The following DPF3 variants were observed in gnomAD, a reference collection of about 807,000 sequenced individuals.
DPF3 encodes the protein zinc finger protein DPF3.
In DPF3, 18 loss-of-function variants were observed where a neutral mutation model predicts 56.8. The ratio of observed to expected loss-of-function variants is 0.32; its 90% CI spans 0.22 to 0.47. DPF3 has a LOEUF of 0.47. DPF3 is among the 20% of genes least tolerant of loss of function. DPF3 has a pLI of 1.00. For synonymous variants in DPF3, 188 were observed against 180.2 expected (o/e 1.04, Z -0.35); for missense variants, 403 against 488.8 (o/e 0.82, Z 1.65).
rs181864926 is a variant in DPF3, at chr14:72,868,220, G to A, written c.32+25837C>T. Reference sequence around the variant, plus strand: ...GAGAAAGAGGTATGAAGGAAGAAGGGCAAAGGGTACCTGGGAGTCAGACAT... The same window carrying A: ...GAGAAAGAGGTATGAAGGAAGAAGGACAAAGGGTACCTGGGAGTCAGACAT... On this transcript the variant is annotated intron_variant, in intron 1 of 10. Coordinates refer to ENST00000556509, the MANE Select transcript of DPF3 (RefSeq NM_001280542.3). Among the ~76,000 whole-genome samples the A allele has an allele frequency of 1.4e-3, 218 of 150,996 alleles. 1 individual carries two copies. The highest frequency in any genetic ancestry group is 4.9e-3 in the African/African-American group (199 of 40,362).
At chr14:72,805,778 G>A (rs552822905) in intron 1 of DPF3, among the ~76,000 whole-genome samples, 111 of 151,720 alleles carry the variant, frequency 7.3e-4, no homozygotes, top group African/African-American at 2.3e-3. Context: ...CCTGGGAGGC[G>A]GAGGTTGCAG....
chr14:72,858,160 T>C (rs1198680951), intron 1 of DPF3, among the ~76,000 whole-genome samples: 3 of 151,830 alleles, frequency 2.0e-5, no homozygotes, highest in Admixed American at 6.6e-5. Flanking sequence ...TGAAACAAAT[T>C]AGCCAGGTAT....
Position 72,609,607 on chromosome 14 carries a change from G to C in DPF3, c.*9690C>G, listed in dbSNP as rs114259617. ...AGGAACCACGAAAGAGTGGGAACCT[G>C]ACACACGTGGGAAGGGCACATCCCC... On this transcript the variant is annotated 3_prime_UTR_variant, in exon 11 of 11. Coordinates refer to ENST00000556509, the MANE Select transcript of DPF3 (RefSeq NM_001280542.3). 6.6e-6 allele frequency among the ~76,000 whole-genome samples: 1 copy of C among 152,166 alleles called. No homozygotes were observed. Among genetic ancestry groups the C allele is most frequent in the Non-Finnish European group, 1.5e-5 (1 of 68,028 alleles).
chr14:72,785,168 C>G (rs1892158674), intron 1 of DPF3, among the ~76,000 whole-genome samples: 1 of 151,872 alleles, frequency 6.6e-6, no homozygotes. Context: ...GAAGAGACAC[C>G]CTGGACATAT....
intron 2 of DPF3, among the ~76,000 whole-genome samples, chr14:72,767,082 T>G (rs935056477): frequency 1.3e-5 from 2 of 152,146 alleles, no homozygotes; most frequent in Non-Finnish European, 2.9e-5. Flanking sequence ...CTTCCCCTGT[T>G]AAAGAGGATG....
intron 2 of DPF3, among the ~76,000 whole-genome samples, chr14:72,759,996 AC>A (rs1222641960): frequency 6.6e-6 from 1 of 152,158 alleles, no homozygotes; most frequent in Admixed American, 6.5e-5. Context: ...TCATCAACAA[AC>A]CCACACTCTA....
intron 3 of DPF3, among the ~76,000 whole-genome samples, chr14:72,745,468 T>C (rs1350687454): frequency 6.6e-6 from 1 of 152,146 alleles, no homozygotes; most frequent in Non-Finnish European, 1.5e-5. Context: ...CAATAAAAAA[T>C]ATATACCCAA....
chr14:72,715,022 A>G (rs565857803), intron 5 of DPF3, among the ~76,000 whole-genome samples: 8 of 152,268 alleles, frequency 5.3e-5, no homozygotes, highest in Admixed American at 2.6e-4. Context: ...CCATCCCCGC[A>G]GTGTCGCAAG....
At chr14:72,648,106 G>A (rs1250927972) in intron 8 of DPF3, among the ~76,000 whole-genome samples, 1 of 152,194 alleles carries the variant, frequency 6.6e-6, no homozygotes, top group Non-Finnish European at 1.5e-5. Flanking sequence ...CCACTGTGCT[G>A]AGCAGTCGTG....
chr14:72,859,463 G>C (rs528804723), intron 1 of DPF3, among the ~76,000 whole-genome samples: 32 of 102,960 alleles, frequency 3.1e-4, no homozygotes, highest in African/African-American at 1.1e-3. Context: ...GTTCTCTGCA[G>C]CTTCCTCCCC....
chr14:72,660,981 G>T, intron 8 of DPF3: 1 of 828,728 alleles, frequency 1.2e-6, no homozygotes, highest in Non-Finnish European at 1.5e-6. Context: ...GCCGCATGAC[G>T]GCGTGAAAGT....
At chr14:72,852,140 G>T (rs903765545) in intron 1 of DPF3, among the ~76,000 whole-genome samples, 6 of 152,254 alleles carry the variant, frequency 3.9e-5, no homozygotes, top group Non-Finnish European at 7.3e-5. Context: ...AGAGAGTCAA[G>T]TTGCAGGAGA....
chr14:72,703,167 C>G lies in DPF3; in HGVS notation c.605-9954G>C, dbSNP rs763815374. Among the ~76,000 whole-genome samples the G allele has an allele frequency of 1.3e-3, 201 of 152,180 alleles. 1 individual carries two copies. Among genetic ancestry groups the G allele is most frequent in the Non-Finnish European group, 2.3e-3 (158 of 68,040 alleles). On this transcript the variant is annotated intron_variant, in intron 6 of 10. Coordinates refer to ENST00000556509, the MANE Select transcript of DPF3 (RefSeq NM_001280542.3). ...GAGGCTGGCTACATCCACCTCCCCCCACCCCACCCTGCACGATTGGCAGCT... is the reference window on the plus strand; with the variant it reads ...GAGGCTGGCTACATCCACCTCCCCCGACCCCACCCTGCACGATTGGCAGCT...
intron 1 of DPF3, among the ~76,000 whole-genome samples, chr14:72,890,501 GATAATA>G (rs58089317): frequency 5.5e-5 from 8 of 146,492 alleles, no homozygotes; most frequent in Non-Finnish European, 1.0e-4. Flanking sequence ...AAAAAATAAT[GATAATA>G]ATAATAATAA....
At chr14:72,691,733 A>G (rs1051501206) in intron 7 of DPF3, among the ~76,000 whole-genome samples, 3 of 151,962 alleles carry the variant, frequency 2.0e-5, no homozygotes, top group Non-Finnish European at 4.4e-5. Context: ...CTCAGAAAAA[A>G]AAAAAAGAAG....
chr14:72,743,126 A>C (rs934456563), intron 3 of DPF3, among the ~76,000 whole-genome samples: 4 of 152,170 alleles, frequency 2.6e-5, no homozygotes, highest in African/African-American at 9.7e-5. Context: ...AACAGAAAAA[A>C]TACAAGAGAA....
intron 5 of DPF3, among the ~76,000 whole-genome samples, chr14:72,715,027 C>T (rs1363465839): frequency 2.0e-5 from 3 of 152,196 alleles, no homozygotes; most frequent in Non-Finnish European, 2.9e-5. Context: ...CCCGCAGTGT[C>T]GCAAGAGCCA....
chr14:72,882,629 C>T (rs1212331068), intron 1 of DPF3, among the ~76,000 whole-genome samples: 7 of 152,176 alleles, frequency 4.6e-5, no homozygotes, highest in Admixed American at 1.3e-4. Flanking sequence ...CTTGTTTCCA[C>T]TTAGCATTCA....
Position 72,693,120 on chromosome 14 carries a change from T to C in DPF3, c.698A>G (p.Gln233Arg), listed in dbSNP as rs377407765. ...GTGGTTGGGTGGGGACCGAGTCTCC[T>C]GGTCTTGAGCTTCATCCCCCTCCTC... ...ASEEGDEAQD[Q>R]ETRSPPNHRN... is the part of the protein sequence containing the mutation. The change falls in exon 7 of 11, where the codon CAG becomes CGG. Residue 233 changes from glutamine (Q) to arginine (R), a missense_variant. Gln to Arg is a conservative substitution (Grantham distance 43, BLOSUM62 1). Coordinates refer to ENST00000556509, the MANE Select transcript of DPF3 (RefSeq NM_001280542.3). 1 of 1,614,030 alleles carries C rather than the reference T, an allele frequency of 6.2e-7. No homozygotes were observed. The highest frequency in any genetic ancestry group is 1.3e-5 in the African/African-American group (1 of 75,052).
Sources: gnomAD v4.1 joint callset for allele counts (sites outside exome capture counted in the v4.1 genomes callset) on GRCh38, gnomAD v4.1.1 for gene constraint, MANE v1.5 for transcripts, NCBI Gene and HGNC (gene_info 2026-07-23, HGNC 2026-07-21) for gene names.